Variants in MASTL observed in about 807,000 individuals in gnomAD.
MASTL encodes microtubule associated serine/threonine kinase like, also known as serine/threonine-protein kinase greatwall.
A neutral mutation model predicts 82.5 loss-of-function variants in MASTL; 54 were observed. The observed-to-expected ratio is 0.65, with a 90% CI of 0.53 to 0.82. The LOEUF is 0.82. MASTL is among the 40% of genes least tolerant of loss of function. The pLI, the probability that MASTL is intolerant of heterozygous loss-of-function variation, is 0.00. For synonymous variants in MASTL, 323 were observed against 368.9 expected (o/e 0.88, Z 1.43); for missense variants, 950 against 1,047.8 (o/e 0.91, Z 1.29).
intron 4 of MASTL, among the ~76,000 whole-genome samples, chr10:27,163,443 A>C (rs531594339): frequency 1.6e-4 from 24 of 152,300 alleles, no homozygotes; most frequent in Non-Finnish European, 1.6e-4. Context: ...AAAATTTTGC[A>C]TTAAGATAAA....
At chr10:27,178,937 TG>T (rs952815949) in intron 9 of MASTL, among the ~76,000 whole-genome samples, 57 of 152,272 alleles carry the variant, frequency 3.7e-4, no homozygotes, top group African/African-American at 1.3e-3. Context: ...TAAGGGAAGA[TG>T]GGATTATATG....
intron 9 of MASTL, among the ~76,000 whole-genome samples, chr10:27,180,236 T>A (rs10829202): frequency 0.6 from 91,871 of 152,116 alleles, 28,035 homozygotes; most frequent in Non-Finnish European, 0.65. Flanking sequence ...CATTGTAAGG[T>A]TGTAACGAGC....
rs2057718283 is a variant in MASTL at position 27,165,658 on chromosome 10, G to A, written c.811+119G>A. 3 of 1,201,834 alleles carry A rather than the reference G, an allele frequency of 2.5e-6. No individual in the cohort carries two copies. The South Asian group carries it at 3.8e-5, about 15-fold the overall frequency. 74.4% of individuals were successfully genotyped at this position (1,201,834 alleles called of 1,614,324 possible). The stretch of plus-strand genomic sequence containing the variant: ...GACGGAGTCTTACTCTGTCATCCAG[G>A]CTGGAGTGCAATGGCGCGATCTCGG... On this transcript the variant is annotated intron_variant, in intron 6 of 11. Coordinates refer to ENST00000375940, the MANE Select transcript of MASTL (RefSeq NM_001172303.3).
At chr10:27,182,905 C>T (rs1181935089) in intron 11 of MASTL, among the ~76,000 whole-genome samples, 1 of 151,990 alleles carries the variant, frequency 6.6e-6, no homozygotes, top group Non-Finnish European at 1.5e-5. Flanking sequence ...ACCTCAGCCT[C>T]CCCAAAATGC....
chr10:27,186,311 T>C (rs1242162153), intron 11 of MASTL, 68 bp from the exon 12 acceptor site: 10 of 1,420,544 alleles, frequency 7.0e-6, no homozygotes, highest in Non-Finnish European at 1.0e-5. Flanking sequence ...CTTTTTATAA[T>C]AATTCCTGTA....
Position 27,181,546 on chromosome 10 carries a change from T to C in MASTL, c.2447T>C (p.Leu816Ser). Reference protein sequence around the residue: ...DNAQSAVEILLTIDDTKRAGM... With the variant: ...DNAQSAVEILSTIDDTKRAGM... ...GCTCAAAGTGCAGTAGAAATACTTT[T>C]AACCATTGATGATACAAAGAGAGCT... The change falls in exon 11 of 12, where the codon TTA (leucine) becomes TCA (serine). Residue 816 changes from leucine (L) to serine (S), a missense_variant. Transcript: ENST00000375940. 1 of 1,612,744 alleles carries C rather than the reference T, an allele frequency of 6.2e-7. No homozygotes were observed. The highest frequency in any genetic ancestry group is 1.1e-5 in the South Asian group (1 of 91,070).
Position 27,165,064 on chromosome 10 carries a change from A to G in MASTL, c.554A>G (p.Asp185Gly). Residue 185 changes from aspartate to glycine, a missense_variant and splice_region_variant, in exon 5 of 12, where the codon GAT becomes GGT. Transcript: ENST00000375940. ...FGLSKVTLNR[D>G]INMMDILTTP... Reference sequence around the variant, plus strand: ...TATATACTTTTCTTTGCATACATAGATATTAATATGATGGATATCCTTACA... The same window carrying G: ...TATATACTTTTCTTTGCATACATAGGTATTAATATGATGGATATCCTTACA... The G allele has an allele frequency of 6.5e-7, 1 of 1,546,436 alleles. No individual in the cohort carries two copies. The highest frequency in any genetic ancestry group is 8.9e-7 in the Non-Finnish European group (1 of 1,118,432).
At chr10:27,174,753 A>T (rs1165053631) in intron 9 of MASTL, among the ~76,000 whole-genome samples, 1 of 152,088 alleles carries the variant, frequency 6.6e-6, no homozygotes, top group Non-Finnish European at 1.5e-5. Context: ...GACACCAGTC[A>T]TTAGGAGCCC....
intron 6 of MASTL, among the ~76,000 whole-genome samples, chr10:27,165,789 T>C (rs1035025253): frequency 6.6e-6 from 1 of 151,688 alleles, no homozygotes; most frequent in African/African-American, 2.4e-5. Context: ...TGGTCCCAGC[T>C]ACATTGGAGG....
At chr10:27,164,943 C>T (rs1163677614) in intron 4 of MASTL, 121 bp from the exon 5 acceptor site, 2 of 712,728 alleles carry the variant, frequency 2.8e-6, no homozygotes, top group African/African-American at 1.8e-5. Context: ...CAGCCACTGT[C>T]TCCTTTTTTA....
intron 1 of MASTL, among the ~76,000 whole-genome samples, chr10:27,156,759 AC>A (rs1267716831): frequency 6.8e-6 from 1 of 147,324 alleles, no homozygotes; most frequent in African/African-American, 2.5e-5. Context: ...ACCTCAGGTG[AC>A]CCGCCCACAT....
chr10:27,156,373 A>T (rs2057380729), intron 1 of MASTL, among the ~76,000 whole-genome samples: 1 of 151,940 alleles, frequency 6.6e-6, no homozygotes, highest in Non-Finnish European at 1.5e-5. Context: ...GGTTTTGTTT[A>T]CCTTGTTTGC....
chr10:27,186,630 A>G lies in MASTL; in HGVS notation c.*94A>G. 2 of 1,158,918 alleles carry G rather than the reference A, an allele frequency of 1.7e-6. No individual in the cohort carries two copies. Among genetic ancestry groups the G allele is most frequent in the South Asian group, 2.4e-5 (2 of 81,666 alleles). The allele number at this position is 1,158,918 out of a possible 1,614,324, so 71.8% of individuals were successfully genotyped here. On this transcript the variant is annotated 3_prime_UTR_variant, in exon 12 of 12. Coordinates refer to ENST00000375940, the MANE Select transcript of MASTL (RefSeq NM_001172303.3). ...TACTAGATTGATCTAAGGGGGAAAG[A>G]TCATTATTTAACCTAGTTCAATGTG... is the stretch of plus-strand genomic sequence containing the variant.
chr10:27,170,938 G>A lies in MASTL; in HGVS notation c.1979G>A (p.Ser660Asn), dbSNP rs1332488040. 1 of 1,614,026 alleles carries A rather than the reference G, an allele frequency of 6.2e-7. No individual in the cohort carries two copies. Among genetic ancestry groups the A allele is most frequent in the African/African-American group, 1.3e-5 (1 of 74,922 alleles). The change falls in exon 8 of 12, where the codon AGT becomes AAT. Residue 660 changes from serine to asparagine, a missense_variant. Ser to Asn is a conservative substitution (Grantham distance 46). Coordinates refer to ENST00000375940, the MANE Select transcript of MASTL (RefSeq NM_001172303.3). ...RNAVAFRSFN[S>N]HINASNNSEP... ...GCTGTTGCTTTTCGAAGTTTTAACA[G>A]TCATATTAATGCATCCAATAACTCA...
intron 1 of MASTL, among the ~76,000 whole-genome samples, chr10:27,157,608 T>A (rs890372135): frequency 1.3e-5 from 2 of 152,248 alleles, no homozygotes; most frequent in African/African-American, 4.8e-5. Context: ...TACTGACTAT[T>A]CAGTTTAGTG....
At chr10:27,186,234 C>G in intron 11 of MASTL, 145 bp from the exon 12 acceptor site, 5 of 846,532 alleles carry the variant, frequency 5.9e-6, no homozygotes, top group Non-Finnish European at 9.7e-6. Flanking sequence ...TGTGGCCTAA[C>G]AGACATTAAA....
At chr10:27,164,301 G>A (rs1284412281) in intron 4 of MASTL, among the ~76,000 whole-genome samples, 2 of 152,104 alleles carry the variant, frequency 1.3e-5, no homozygotes, top group Non-Finnish European at 2.9e-5. Context: ...TTGCCACAAT[G>A]CCCAGCTAGT....
rs144503451 is a variant in MASTL, at chr10:27,169,975, T to A, written c.1016T>A (p.Met339Lys). Residue 339 changes from methionine (M) to lysine (K), a missense_variant, in exon 8 of 12, where the codon ATG (methionine) becomes AAG (lysine). Coordinates refer to ENST00000375940, the MANE Select transcript of MASTL (RefSeq NM_001172303.3). ...ESDEALGPTMMSWNAVEKLCA... is the reference protein window; with the variant it reads ...ESDEALGPTMKSWNAVEKLCA... ...GATGAAGCATTGGGCCCAACAATGA[T>A]GAGTTGGAATGCAGTTGAAAAGTTA... The A allele has an allele frequency of 9.1e-4, 1,475 of 1,613,554 alleles. 2 individuals are homozygous for A. The highest frequency in any genetic ancestry group is 1.2e-3 in the Non-Finnish European group (1,367 of 1,179,494).
chr10:27,158,375 T>C (rs1050161915), intron 1 of MASTL, among the ~76,000 whole-genome samples, 174 bp from the exon 2 acceptor site: 1 of 152,156 alleles, frequency 6.6e-6, no homozygotes, highest in African/African-American at 2.4e-5. Flanking sequence ...GATGTAGTCA[T>C]GTGTGCCAGT....
Sources: gnomAD v4.1 joint callset for allele counts (sites outside exome capture counted in the v4.1 genomes callset) on GRCh38, gnomAD v4.1.1 for gene constraint, MANE v1.5 for transcripts, NCBI Gene and HGNC (gene_info 2026-07-23, HGNC 2026-07-21) for gene names.